Variants in ANK3 observed in about 807,000 individuals in gnomAD.
ANK3 encodes ankyrin 3.
A neutral mutation model predicts 370.9 loss-of-function variants in ANK3; 57 were observed. The observed-to-expected ratio is 0.15, with a 90% CI of 0.12 to 0.19. The LOEUF is 0.19. ANK3 is among the 10% of genes least tolerant of loss of function. ANK3 has a pLI of 1.00. For missense variants in ANK3, 4,439 were observed against 5,302.1 expected (o/e 0.84, Z 5.06); for synonymous variants, 1,929 against 1,946.3 (o/e 0.99, Z 0.23).
At chr10:60,509,092 G>C (rs1000699781) in intron 2 of ANK3, among the ~76,000 whole-genome samples, 4 of 152,098 alleles carry the variant, frequency 2.6e-5, no homozygotes, top group Admixed American at 6.6e-5. Context: ...GCCGTAAATA[G>C]AGCAGCAAAT....
At chr10:60,034,241 G>T (rs1159932894) in intron 43 of ANK3, among the ~76,000 whole-genome samples, 1 of 151,704 alleles carries the variant, frequency 6.6e-6, no homozygotes, top group Non-Finnish European at 1.5e-5. Flanking sequence ...TGAGTAGCTG[G>T]GATTAAAGGC....
At chr10:60,201,016 A>G (rs2096665227) in intron 12 of ANK3, among the ~76,000 whole-genome samples, 1 of 152,262 alleles carries the variant, frequency 6.6e-6, no homozygotes, top group South Asian at 2.1e-4. Flanking sequence ...ATGGACAAAT[A>G]ACAAAAATGA....
chr10:60,497,781 CAA>C (rs1018691380), intron 2 of ANK3, among the ~76,000 whole-genome samples: 24 of 152,224 alleles, frequency 1.6e-4, no homozygotes, highest in African/African-American at 5.5e-4. Flanking sequence ...CTTTGATGCA[CAA>C]AGTTTGAAAA....
At chr10:60,645,344 T>C (rs959629235) in intron 1 of ANK3, among the ~76,000 whole-genome samples, 4 of 152,222 alleles carry the variant, frequency 2.6e-5, no homozygotes, top group Non-Finnish European at 5.9e-5. Flanking sequence ...TTGACATGAG[T>C]AATTTTTCTC....
intron 43 of ANK3, among the ~76,000 whole-genome samples, chr10:60,038,319 C>A (rs2075478914): frequency 6.6e-6 from 1 of 152,190 alleles, no homozygotes; most frequent in Non-Finnish European, 1.5e-5. Flanking sequence ...ATTGCTTGAA[C>A]CCAGGAGGCA....
At chr10:60,282,217 A>G (rs1205928587) in intron 1 of ANK3, among the ~76,000 whole-genome samples, 1 of 152,170 alleles carries the variant, frequency 6.6e-6, no homozygotes, top group Non-Finnish European at 1.5e-5. Context: ...AAGCATCCCA[A>G]ACTCCAACAT....
At chr10:60,429,734 G>A (rs1567033830) in intron 2 of ANK3, among the ~76,000 whole-genome samples, 1 of 152,154 alleles carries the variant, frequency 6.6e-6, no homozygotes, top group Non-Finnish European at 1.5e-5. Context: ...AAAATTCCCT[G>A]TCCTACTTTC....
intron 28 of ANK3, among the ~76,000 whole-genome samples, chr10:60,103,248 G>A (rs1025845474): frequency 3.4e-5 from 5 of 148,920 alleles, no homozygotes; most frequent in South Asian, 2.2e-4. Flanking sequence ...CACTGCACCC[G>A]GCCTATTTGT....
intron 25 of ANK3, among the ~76,000 whole-genome samples, chr10:60,117,750 G>A (rs942436646): frequency 2.0e-5 from 3 of 152,104 alleles, no homozygotes; most frequent in Non-Finnish European, 4.4e-5. Context: ...GGAGGCGGAG[G>A]TTGCAGTGAG....
chr10:60,104,207 C>A (rs2132078921), intron 28 of ANK3, among the ~76,000 whole-genome samples: 1 of 151,274 alleles, frequency 6.6e-6, no homozygotes, highest in South Asian at 2.1e-4. Context: ...AACAAACCTA[C>A]ACGTGTAGGT....
intron 43 of ANK3, among the ~76,000 whole-genome samples, chr10:60,033,523 A>AAG (rs2074188810): frequency 6.8e-6 from 1 of 146,998 alleles, no homozygotes; most frequent in African/African-American, 2.5e-5. Context: ...TCAAAAAAAA[A>AAG]AAAAAAAAAA....
At chr10:60,062,878 C>A (rs1321898894) in intron 40 of ANK3, 3 of 331,918 alleles carry the variant, frequency 9.0e-6, no homozygotes, top group Non-Finnish European at 1.1e-5. Flanking sequence ...CTTTCAGATA[C>A]CTTAGGCGTT....
At chr10:60,565,068 A>G (rs540641640) in intron 2 of ANK3, among the ~76,000 whole-genome samples, 2 of 152,190 alleles carry the variant, frequency 1.3e-5, no homozygotes, top group Admixed American at 6.6e-5. Context: ...CCATGGTCCA[A>G]TGGAACATAT....
intron 1 of ANK3, among the ~76,000 whole-genome samples, chr10:60,616,144 T>G (rs1567181358): frequency 1.3e-5 from 2 of 152,172 alleles, no homozygotes; most frequent in Non-Finnish European, 2.9e-5. Flanking sequence ...CATACAGAAT[T>G]AAATCTGCAA....
chr10:60,499,058 A>G (rs2075730522), intron 2 of ANK3, among the ~76,000 whole-genome samples: 1 of 152,200 alleles, frequency 6.6e-6, no homozygotes, highest in Admixed American at 6.5e-5. Flanking sequence ...ATTTGTTGTT[A>G]TAGTCAAAGT....
At chr10:60,566,014 C>T (rs1317962504) in intron 2 of ANK3, among the ~76,000 whole-genome samples, 1 of 152,206 alleles carries the variant, frequency 6.6e-6, no homozygotes, top group East Asian at 1.9e-4. Context: ...ACACCATGTG[C>T]TCACTTTGTG....
At chr10:60,649,306 CA>C (rs35961217) in intron 1 of ANK3, among the ~76,000 whole-genome samples, 28 of 150,778 alleles carry the variant, frequency 1.9e-4, no homozygotes, top group African/African-American at 6.1e-4. Context: ...ACTGTATTAT[CA>C]AAAAAAAATA....
At chr10:60,554,962 T>C (rs1259041903) in intron 2 of ANK3, among the ~76,000 whole-genome samples, 1 of 152,200 alleles carries the variant, frequency 6.6e-6, no homozygotes, top group Non-Finnish European at 1.5e-5. Flanking sequence ...GTTGATTCTC[T>C]CCGCAGAAAT....
intron 1 of ANK3, among the ~76,000 whole-genome samples, chr10:60,703,197 T>C (rs867718077): frequency 1.3e-5 from 2 of 152,338 alleles, no homozygotes; most frequent in Non-Finnish European, 1.5e-5. Flanking sequence ...GGATATTTGA[T>C]AATTTCCAAA....
Sources: gnomAD v4.1 joint callset for allele counts (sites outside exome capture counted in the v4.1 genomes callset) on GRCh38, gnomAD v4.1.1 for gene constraint, MANE v1.5 for transcripts, NCBI Gene and HGNC (gene_info 2026-07-23, HGNC 2026-07-21) for gene names.